The following KYNU variants were observed in gnomAD, a reference collection of about 807,000 sequenced individuals.
KYNU encodes L-kynurenine hydrolase.
In KYNU, 54 loss-of-function variants were observed where a neutral mutation model predicts 59.2. That is an observed-to-expected ratio of 0.91 (90% CI 0.73 to 1.14). The LOEUF (loss-of-function observed/expected upper bound fraction) is 1.14, where lower values mean the gene tolerates loss of function less well. Among genes scored for constraint, KYNU ranks in the 50% most tolerant of loss-of-function variants. The pLI, the probability that KYNU is intolerant of heterozygous loss-of-function variation, is 0.00. For missense variants in KYNU, 567 were observed against 554.4 expected (o/e 1.02, Z -0.23); for synonymous variants, 177 against 192.0 (o/e 0.92, Z 0.65).
intron 2 of KYNU, among the ~76,000 whole-genome samples, chr2:142,903,980 T>C (rs1457229535): frequency 2.6e-5 from 4 of 152,318 alleles, no homozygotes; most frequent in Non-Finnish European, 5.9e-5. Context: ...ATCCCGTTTA[T>C]CCTGTTCTGC....
intron 2 of KYNU, among the ~76,000 whole-genome samples, chr2:142,899,822 C>T (rs1235422781): frequency 6.6e-6 from 1 of 152,206 alleles, no homozygotes; most frequent in African/African-American, 2.4e-5. Context: ...TTCTTTGGCA[C>T]ACGTCACAGG....
rs1054338466 is a variant in KYNU at position 142,882,520 on chromosome 2, C to T, written c.-19-2829C>T. 3.3e-5 allele frequency among the ~76,000 whole-genome samples: 5 copies of T among 152,248 alleles called. No homozygotes were observed. In the South Asian group the frequency reaches 6.2e-4, roughly 19 times the overall value. The stretch of plus-strand genomic sequence containing the variant: ...ACAGGCTCCGGTGTGTGATGTTCCC[C>T]GCCCTGTGTCCAAGTGTTCTCATTG... On this transcript the variant is annotated intron_variant, in intron 1 of 13. Coordinates refer to ENST00000264170, the MANE Select transcript of KYNU (RefSeq NM_003937.3).
rs1158913560 is a variant in KYNU, at chr2:143,055,134, C to A, written c.*12962C>A. 3.9e-5 allele frequency: 6 copies of A among 152,116 alleles called. No homozygotes were observed. The highest frequency in any genetic ancestry group is 8.8e-5 in the Non-Finnish European group (6 of 68,006). 9.4% of individuals were successfully genotyped at this position (152,116 alleles called of 1,614,324 possible). On this transcript the variant is annotated 3_prime_UTR_variant, in exon 14 of 14. Transcript: ENST00000264170. ...CAAACTAAAAAGGTGTAGTATTCTT[C>A]TATGGCTGCTATAACAAATGACCAA...
chr2:142,998,114 A>G (rs1685598405), intron 10 of KYNU, among the ~76,000 whole-genome samples: 1 of 152,168 alleles, frequency 6.6e-6, no homozygotes, highest in Non-Finnish European at 1.5e-5. Context: ...ACTTCTCTCA[A>G]ATTCTGTTTA....
intron 2 of KYNU, among the ~76,000 whole-genome samples, chr2:142,897,180 A>G (rs1434603904): frequency 1.3e-5 from 2 of 152,238 alleles, no homozygotes; most frequent in African/African-American, 2.4e-5. Context: ...ATGACTCTCC[A>G]TGTGCATTTA....
At chr2:143,031,194 T>A (rs1451617994) in intron 11 of KYNU, among the ~76,000 whole-genome samples, 1 of 152,212 alleles carries the variant, frequency 6.6e-6, no homozygotes, top group African/African-American at 2.4e-5. Flanking sequence ...TAATTAGATC[T>A]GTTATTATAC....
intron 2 of KYNU, among the ~76,000 whole-genome samples, chr2:142,901,557 T>C (rs1682089324): frequency 6.6e-6 from 1 of 152,192 alleles, no homozygotes; most frequent in Non-Finnish European, 1.5e-5. Flanking sequence ...GTACAGCCAA[T>C]AATAATCTCC....
At chr2:142,937,221 A>C (rs947661090) in intron 4 of KYNU, among the ~76,000 whole-genome samples, 1 of 152,060 alleles carries the variant, frequency 6.6e-6, no homozygotes, top group African/African-American at 2.4e-5. Flanking sequence ...GTGGCCTTGC[A>C]CCTTGGTACT....
At position 143,042,085 on chromosome 2, in the gene KYNU, A is replaced by G. The variant is rs757093453; in HGVS notation, c.1311A>G (p.Pro437=). ...ATCCAAATGGCATTCGAGTGGCTCCAGTTCCTCTCTATAATTCTTTCCATG... is the reference window on the plus strand; with the variant it reads ...ATCCAAATGGCATTCGAGTGGCTCCGGTTCCTCTCTATAATTCTTTCCATG... ...KRNPNGIRVA[P]VPLYNSFHDV... is the part of the protein sequence containing the mutation. Residue 437 remains proline, a synonymous_variant, in exon 14 of 14, where the codon CCA becomes CCG. Transcript: ENST00000264170. 1 of 1,610,496 alleles carries G rather than the reference A, an allele frequency of 6.2e-7. No individual in the cohort carries two copies. Among genetic ancestry groups the G allele is most frequent in the African/African-American group, 1.3e-5 (1 of 74,754 alleles).
chr2:142,971,866 G>T (rs973329228), intron 8 of KYNU, among the ~76,000 whole-genome samples: 1 of 152,176 alleles, frequency 6.6e-6, no homozygotes, highest in Non-Finnish European at 1.5e-5. Context: ...AAATCAAGAT[G>T]CTTTTTGTAA....
intron 8 of KYNU, among the ~76,000 whole-genome samples, chr2:142,976,048 G>C (rs1193400571): frequency 1.3e-5 from 2 of 152,144 alleles, no homozygotes; most frequent in East Asian, 3.9e-4. Context: ...ACAGTCATAG[G>C]TGAAGAAAGG....
In KYNU at chr2:142,913,001, G is replaced by A. The variant is rs113144217; in HGVS notation, c.170-5608G>A. On this transcript the variant is annotated intron_variant, in intron 2 of 13. Transcript: ENST00000264170. Reference sequence around the variant, plus strand: ...GCTGGGATTACAGGCTGGAGCCACCGCTCCCGGCTGGATCTTTTGTATTTC... The same window carrying A: ...GCTGGGATTACAGGCTGGAGCCACCACTCCCGGCTGGATCTTTTGTATTTC... Among the ~76,000 whole-genome samples, 11 of 152,016 alleles carry A rather than the reference G, an allele frequency of 7.2e-5. No individual in the cohort carries two copies. In the South Asian group the frequency reaches 1.0e-3, roughly 14 times the overall value.
chr2:142,942,586 T>G (rs1683640310), intron 4 of KYNU, among the ~76,000 whole-genome samples: 1 of 152,190 alleles, frequency 6.6e-6, no homozygotes, highest in Non-Finnish European at 1.5e-5. Flanking sequence ...GCAACCTCGG[T>G]TTTTGCCTCT....
At chr2:142,964,516 C>T (rs994316557) in intron 8 of KYNU, 4 of 152,122 alleles carry the variant, frequency 2.6e-5, no homozygotes, top group Non-Finnish European at 4.4e-5. Flanking sequence ...TTTTATTTTG[C>T]AGTTCCCTGA....
chr2:142,917,457 C>T (rs1682702331), intron 2 of KYNU, among the ~76,000 whole-genome samples: 1 of 133,676 alleles, frequency 7.5e-6, no homozygotes, highest in South Asian at 2.8e-4. Context: ...GATGTGATAA[C>T]CTTTTATTAA....
intron 2 of KYNU, among the ~76,000 whole-genome samples, chr2:142,888,702 A>G (rs1244727233): frequency 6.6e-6 from 1 of 151,758 alleles, no homozygotes; most frequent in Non-Finnish European, 1.5e-5. Flanking sequence ...GAGTTGGGTC[A>G]ATTAATTCCC....
intron 2 of KYNU, among the ~76,000 whole-genome samples, chr2:142,908,791 C>T (rs956914682): frequency 5.3e-5 from 8 of 152,204 alleles, no homozygotes; most frequent in African/African-American, 9.6e-5. Context: ...CCCACCACCA[C>T]GCCTGGCTAA....
intron 10 of KYNU, among the ~76,000 whole-genome samples, chr2:142,992,685 C>A (rs1257582990): frequency 2.6e-5 from 4 of 151,782 alleles, no homozygotes; most frequent in Non-Finnish European, 5.9e-5. Flanking sequence ...GTAAAACTTG[C>A]ATTTTATCTC....
intron 10 of KYNU, among the ~76,000 whole-genome samples, chr2:143,011,389 C>T (rs1285213702): frequency 3.1e-5 from 4 of 129,116 alleles, no homozygotes; most frequent in Admixed American, 7.7e-5. Flanking sequence ...GTTAGAATGG[C>T]GATCATTAAA....
Sources: allele counts gnomAD v4.1 joint callset (sites outside exome capture counted in the v4.1 genomes callset), GRCh38; gene constraint gnomAD v4.1.1; transcripts MANE v1.5; gene names NCBI Gene and HGNC (gene_info 2026-07-23, HGNC 2026-07-21).